The following CORIN variants were observed in gnomAD, a reference collection of about 807,000 sequenced individuals.
CORIN encodes the protein corin, serine peptidase.
In CORIN, 117 loss-of-function variants were observed where a neutral mutation model predicts 125.3. The observed-to-expected ratio is 0.93, with a 90% CI of 0.80 to 1.09. CORIN has a LOEUF of 1.09. CORIN is among the 50% of genes least tolerant of loss of function. The probability of loss-of-function intolerance (pLI) is 0.00; values close to 1 mark genes in which losing one functional copy is unlikely to be tolerated. For missense variants in CORIN, 1,253 were observed against 1,306.7 expected (o/e 0.96, Z 0.63); for synonymous variants, 450 against 466.4 (o/e 0.96, Z 0.45).
At chr4:47,667,000 T>C (rs1724511407) in intron 10 of CORIN, among the ~76,000 whole-genome samples, 1 of 152,142 alleles carries the variant, frequency 6.6e-6, no homozygotes, top group South Asian at 2.1e-4. Flanking sequence ...TCATCTTGAA[T>C]TGTAGCTCCC....
intron 5 of CORIN, among the ~76,000 whole-genome samples, chr4:47,702,776 C>T (rs1400524923): frequency 6.6e-6 from 1 of 152,122 alleles, no homozygotes. Context: ...TGAAAAATAT[C>T]TTTCAAAAAC....
intron 10 of CORIN, among the ~76,000 whole-genome samples, chr4:47,668,583 A>G (rs185796877): frequency 6.6e-6 from 1 of 152,290 alleles, no homozygotes; most frequent in East Asian, 1.9e-4. Context: ...TCACTTACAG[A>G]TATTTCTGAT....
intron 21 of CORIN, among the ~76,000 whole-genome samples, chr4:47,599,898 C>T (rs1163900275): frequency 6.6e-6 from 1 of 152,160 alleles, no homozygotes; most frequent in Non-Finnish European, 1.5e-5. Context: ...CTCTTAGAAC[C>T]TCATTTATCC....
At chr4:47,736,245 G>A (rs1489081318) in intron 5 of CORIN, among the ~76,000 whole-genome samples, 1 of 152,162 alleles carries the variant, frequency 6.6e-6, no homozygotes, top group African/African-American at 2.4e-5. Context: ...ATCTTTTGGA[G>A]GGAATCCTAA....
intron 1 of CORIN, among the ~76,000 whole-genome samples, chr4:47,823,065 G>A (rs899097403): frequency 7.9e-5 from 12 of 151,998 alleles, no homozygotes; most frequent in East Asian, 1.9e-4. Flanking sequence ...TGTCCGCCTC[G>A]GCCTCCCAAA....
Position 47,595,633 on chromosome 4 carries a change from T to TGTAC in CORIN, c.*84_*87dup, listed in dbSNP as rs1384775318. The stretch of plus-strand genomic sequence containing the variant: ...CATTTCTGTCCATGAAAAGTGCTTC[T>TGTAC]GTACAGCTCTCTGCAGGCAGCTCTT... On this transcript the variant is annotated 3_prime_UTR_variant, in exon 22 of 22. Coordinates refer to ENST00000273857, the MANE Select transcript of CORIN (RefSeq NM_006587.4). The TGTAC allele has an allele frequency of 1.7e-4, 177 of 1,015,892 alleles. No homozygotes were observed. The highest frequency in any genetic ancestry group is 2.3e-4 in the Non-Finnish European group (165 of 705,420). The allele number at this position is 1,015,892 out of a possible 1,614,324, so 62.9% of individuals were successfully genotyped here.
rs745409202 is a variant in CORIN, at chr4:47,661,824, T to G, written c.1622A>C (p.Glu541Ala). 2.5e-6 allele frequency: 4 copies of G among 1,612,976 alleles called. No individual in the cohort carries two copies. Among genetic ancestry groups the G allele is most frequent in the Non-Finnish European group, 3.4e-6 (4 of 1,179,442 alleles). ...ALCEHSKERC[E>A]SVLGIVGLQW... ...TAGGCCCACAATCCCAAGAACAGAC[T>G]CACAGCGTTCTTTAGAGTGTTCACA... Residue 541 changes from glutamate to alanine, a missense_variant, in exon 12 of 22, where the codon GAG becomes GCG. Transcript: ENST00000273857.
chr4:47,718,400 T>C (rs529893735), intron 5 of CORIN, among the ~76,000 whole-genome samples: 1 of 152,332 alleles, frequency 6.6e-6, no homozygotes, highest in East Asian at 1.9e-4. Flanking sequence ...TTTCTTCATC[T>C]GTAAAATAAG....
rs1191715166 is a variant in CORIN, at chr4:47,762,547, C to G, written c.617+832G>C. On this transcript the variant is annotated intron_variant, in intron 4 of 21. Coordinates refer to ENST00000273857, the MANE Select transcript of CORIN (RefSeq NM_006587.4). ...TGTTTGATATTGTGCTGGATAGCCTCTGTCTATCTCTCTGTGTCTACACTT... is the reference window on the plus strand; with the variant it reads ...TGTTTGATATTGTGCTGGATAGCCTGTGTCTATCTCTCTGTGTCTACACTT... Among the ~76,000 whole-genome samples, 10 of 152,186 alleles carry G rather than the reference C, an allele frequency of 6.6e-5. No homozygotes were observed. In the East Asian group the frequency reaches 1.9e-3, roughly 29 times the overall value.
intron 2 of CORIN, among the ~76,000 whole-genome samples, chr4:47,801,788 C>T (rs987697825): frequency 6.6e-6 from 1 of 152,212 alleles, no homozygotes; most frequent in Non-Finnish European, 1.5e-5. Context: ...GGCTGGAATG[C>T]TCTGGGACTT....
intron 2 of CORIN, among the ~76,000 whole-genome samples, chr4:47,788,181 A>G (rs1185564497): frequency 1.3e-5 from 2 of 152,228 alleles, no homozygotes; most frequent in African/African-American, 4.8e-5. Context: ...CTTTTCTAAA[A>G]GCATTTACAG....
At chr4:47,653,312 C>T (rs114541617) in intron 13 of CORIN, among the ~76,000 whole-genome samples, 344 of 152,098 alleles carry the variant, frequency 2.3e-3, no homozygotes, top group Non-Finnish European at 3.8e-3. Context: ...CATATCCCTA[C>T]GGATAAGGGG....
At chr4:47,611,758 G>A (rs1408569007) in intron 19 of CORIN, among the ~76,000 whole-genome samples, 2 of 152,124 alleles carry the variant, frequency 1.3e-5, no homozygotes, top group Non-Finnish European at 2.9e-5. Context: ...ATTATTTAAG[G>A]GATGTTCCTT....
At chr4:47,684,271 GTTA>G (rs1042077063) in intron 6 of CORIN, among the ~76,000 whole-genome samples, 2 of 152,142 alleles carry the variant, frequency 1.3e-5, no homozygotes, top group African/African-American at 4.8e-5. Flanking sequence ...AGATTATGGA[GTTA>G]TTATTTCCTT....
intron 12 of CORIN, among the ~76,000 whole-genome samples, chr4:47,660,031 C>T (rs1724173902): frequency 1.3e-5 from 2 of 152,218 alleles, no homozygotes; most frequent in South Asian, 4.1e-4. Context: ...GAAAAGAACT[C>T]ATACATCTAC....
In CORIN at chr4:47,757,915, T is replaced by G. The variant is rs887961822; in HGVS notation, c.617+5464A>C. ...ATATATATATATATATACACAAATATACACATATATATATTTGAGACAGAG... is the reference window on the plus strand; with the variant it reads ...ATATATATATATATATACACAAATAGACACATATATATATTTGAGACAGAG... On this transcript the variant is annotated intron_variant, in intron 4 of 21. Transcript: ENST00000273857. Among the ~76,000 whole-genome samples the G allele has an allele frequency of 2.7e-4, 38 of 142,650 alleles. No homozygotes were observed. In the East Asian group the frequency reaches 5.4e-3, roughly 20 times the overall value. 93.6% of individuals were successfully genotyped at this position (142,650 alleles called of 152,430 possible). A position where few individuals can be genotyped will look rare whatever the true frequency, so the allele number is the denominator to read the frequency against.
intron 12 of CORIN, among the ~76,000 whole-genome samples, chr4:47,654,107 G>A (rs1723855817): frequency 6.6e-6 from 1 of 152,200 alleles, no homozygotes; most frequent in Non-Finnish European, 1.5e-5. Flanking sequence ...ACCAAGGTTT[G>A]ATGTTCACCT....
chr4:47,609,327 C>T (rs1390493488), intron 19 of CORIN, among the ~76,000 whole-genome samples: 1 of 152,122 alleles, frequency 6.6e-6, no homozygotes, highest in Non-Finnish European at 1.5e-5. Flanking sequence ...GCAACCTTTG[C>T]CTCAGAGGTT....
chr4:47,691,679 T>C (rs1725777364), intron 6 of CORIN, among the ~76,000 whole-genome samples: 1 of 152,082 alleles, frequency 6.6e-6, no homozygotes, highest in East Asian at 1.9e-4. Context: ...GAACCTCTAA[T>C]ATACAAATGT....
Sources: allele counts gnomAD v4.1 joint callset (sites outside exome capture counted in the v4.1 genomes callset), GRCh38; gene constraint gnomAD v4.1.1; transcripts MANE v1.5; gene names NCBI Gene and HGNC (gene_info 2026-07-23, HGNC 2026-07-21).